Variants in MAP4K4 observed in about 807,000 individuals in gnomAD.
MAP4K4 encodes the protein HPK/GCK-like kinase HGK.
Under a neutral mutation model 189.6 loss-of-function variants are expected in MAP4K4, and 38 were observed. That is an observed-to-expected ratio of 0.20 (90% CI 0.15 to 0.26). MAP4K4 has a LOEUF of 0.26. Among genes scored for constraint, MAP4K4 ranks in the 10% least tolerant of loss-of-function variants. MAP4K4 has a pLI of 1.00. For synonymous variants in MAP4K4, 610 were observed against 624.3 expected (o/e 0.98, Z 0.34); for missense variants, 1,054 against 1,726.9 (o/e 0.61, Z 6.91).
chr2:101,807,241 A>G (rs1219829271), intron 3 of MAP4K4, among the ~76,000 whole-genome samples: 2 of 151,636 alleles, frequency 1.3e-5, no homozygotes, highest in East Asian at 1.9e-4. Context: ...AATTTTTTTT[A>G]GAGACAGGGT....
intron 7 of MAP4K4, among the ~76,000 whole-genome samples, chr2:101,833,525 C>CA (rs1451073494): frequency 1.3e-5 from 2 of 150,928 alleles, no homozygotes; most frequent in South Asian, 2.1e-4. Context: ...GAGGCTGAGG[C>CA]AGGAGAATGG....
chr2:101,837,036 C>T (rs538072301), intron 9 of MAP4K4, among the ~76,000 whole-genome samples: 2 of 151,462 alleles, frequency 1.3e-5, no homozygotes, highest in African/African-American at 2.4e-5. Flanking sequence ...TGCATGGTCT[C>T]CCCTCCTTTT....
chr2:101,894,192 C>T (rs367670448), exon 33 of MAP4K4: 55 of 152,830 alleles, frequency 3.6e-4, no homozygotes, highest in African/African-American at 1.2e-3. Context: ...ATTGCAATGA[C>T]ACCATTACAT....
intron 12 of MAP4K4, among the ~76,000 whole-genome samples, chr2:101,852,579 A>G (rs542311326): frequency 6.6e-6 from 1 of 152,302 alleles, no homozygotes; most frequent in East Asian, 1.9e-4. Flanking sequence ...TGAACTTTTT[A>G]TATAGCGTAT....
At chr2:101,871,583 C>T (rs1193134672) in exon 24 of MAP4K4, 2 of 1,536,400 alleles carry the variant, frequency 1.3e-6, no homozygotes, top group Admixed American at 3.9e-5. Context: ...TACAGCAAAG[C>T]CATTCCTCCT....
At chr2:101,842,528 G>C in intron 10 of MAP4K4, 81 bp from the exon 11 acceptor site, 1 of 959,662 alleles carries the variant, frequency 1.0e-6, no homozygotes. Flanking sequence ...TTCTGCCAAG[G>C]TGCTCCTGCA....
chr2:101,826,941 C>G (rs1049435836), intron 5 of MAP4K4, among the ~76,000 whole-genome samples: 1 of 152,112 alleles, frequency 6.6e-6, no homozygotes, highest in Non-Finnish European at 1.5e-5. Context: ...ACCCACACCC[C>G]TACTTTGCTT....
intron 22 of MAP4K4, 105 bp downstream of exon 22, chr2:101,869,902 T>TAG: frequency 3.6e-6 from 5 of 1,385,506 alleles, no homozygotes; most frequent in Non-Finnish European, 4.8e-6. Context: ...CATGAGCACT[T>TAG]ACTATGTAGT....
chr2:101,817,357 G>A (rs571674479), intron 3 of MAP4K4, among the ~76,000 whole-genome samples: 17 of 152,170 alleles, frequency 1.1e-4, no homozygotes, highest in African/African-American at 4.1e-4. Flanking sequence ...GTGCTTTTTG[G>A]TGGGGGTTTG....
chr2:101,730,850 A>G (rs988420282), intron 2 of MAP4K4, among the ~76,000 whole-genome samples: 3 of 151,882 alleles, frequency 2.0e-5, no homozygotes, highest in Non-Finnish European at 1.5e-5. Context: ...GATCAAGACC[A>G]TCCTGGCTAA....
At chr2:101,793,922 G>A (rs747656452) in intron 3 of MAP4K4, among the ~76,000 whole-genome samples, 1 of 152,118 alleles carries the variant, frequency 6.6e-6, no homozygotes, top group East Asian at 1.9e-4. Flanking sequence ...TTTCATCCTC[G>A]GGTGAGGTGA....
intron 2 of MAP4K4, among the ~76,000 whole-genome samples, chr2:101,742,621 G>T (rs1380581000): frequency 6.6e-6 from 1 of 152,050 alleles, no homozygotes; most frequent in African/African-American, 2.4e-5. Context: ...ACTTCCTCTG[G>T]CCCCACTTTC....
chr2:101,816,749 G>A (rs2095748445), intron 3 of MAP4K4, among the ~76,000 whole-genome samples: 1 of 152,180 alleles, frequency 6.6e-6, no homozygotes, highest in South Asian at 2.1e-4. Context: ...ATGAGGCTAA[G>A]GTCAGAGTGG....
At chr2:101,745,479 T>C (rs1344259392) in intron 2 of MAP4K4, among the ~76,000 whole-genome samples, 1 of 151,346 alleles carries the variant, frequency 6.6e-6, no homozygotes, top group African/African-American at 2.4e-5. Flanking sequence ...CTACATCTTC[T>C]GATTATAAGT....
intron 3 of MAP4K4, among the ~76,000 whole-genome samples, chr2:101,809,774 A>C (rs1208807635): frequency 6.6e-6 from 1 of 152,208 alleles, no homozygotes; most frequent in Non-Finnish European, 1.5e-5. Context: ...GCCTCTCTCA[A>C]AGCTGGACTG....
chr2:101,724,987 G>T (rs893767767), intron 2 of MAP4K4, among the ~76,000 whole-genome samples: 1 of 152,186 alleles, frequency 6.6e-6, no homozygotes, highest in Non-Finnish European at 1.5e-5. Flanking sequence ...TACTGTGCAG[G>T]TTTGTAGCCT....
chr2:101,752,504 C>G (rs973274229), intron 2 of MAP4K4, among the ~76,000 whole-genome samples: 2 of 152,146 alleles, frequency 1.3e-5, no homozygotes, highest in African/African-American at 4.8e-5. Context: ...AGTGCCTAGC[C>G]TATTTTCTGC....
intron 2 of MAP4K4, among the ~76,000 whole-genome samples, chr2:101,766,401 A>G (rs946839161): frequency 6.6e-6 from 1 of 152,162 alleles, no homozygotes; most frequent in Non-Finnish European, 1.5e-5. Context: ...GTTATCATAA[A>G]TGTCTTATAG....
intron 15 of MAP4K4, chr2:101,860,229 A>C (rs184299904): frequency 3.2e-6 from 1 of 316,058 alleles, no homozygotes; most frequent in Non-Finnish European, 6.1e-6. Context: ...CCTGTGGCTC[A>C]ACTTTCTGAC....
Sources: gnomAD v4.1 joint callset for allele counts (sites outside exome capture counted in the v4.1 genomes callset) on GRCh38, gnomAD v4.1.1 for gene constraint, MANE v1.5 for transcripts, NCBI Gene and HGNC (gene_info 2026-07-23, HGNC 2026-07-21) for gene names.